The following SUPT3H variants were observed in gnomAD, a reference collection of about 807,000 sequenced individuals.
The protein encoded by SUPT3H is SPT3 homolog, SAGA and STAGA complex component, also known as transcription initiation protein SPT3 homolog.
A neutral mutation model predicts 44.3 loss-of-function variants in SUPT3H; 44 were observed. The ratio of observed to expected loss-of-function variants is 0.99; its 90% CI spans 0.78 to 1.28. SUPT3H has a LOEUF of 1.28. Among genes scored for constraint, SUPT3H ranks in the 50% most tolerant of loss-of-function variants. The pLI, the probability that SUPT3H is intolerant of heterozygous loss-of-function variation, is 0.00. For synonymous variants in SUPT3H, 124 were observed against 125.6 expected (o/e 0.99, Z 0.09); for missense variants, 380 against 387.1 (o/e 0.98, Z 0.15).
intron 2 of SUPT3H, among the ~76,000 whole-genome samples, chr6:45,301,138 C>G (rs74952102): frequency 9.1e-4 from 138 of 152,200 alleles, no homozygotes; most frequent in Admixed American, 2.2e-3. Context: ...CTAGTGAGAA[C>G]TGAGAGCTGT....
chr6:45,053,298 AC>A (rs201386228), intron 3 of SUPT3H, among the ~76,000 whole-genome samples: 2,645 of 151,480 alleles, frequency 0.017, 52 homozygotes, highest in South Asian at 0.085. Context: ...AGATTCTCCT[AC>A]CTGTTCTCAA....
chr6:45,373,900 T>C (rs527329264), intron 1 of SUPT3H, among the ~76,000 whole-genome samples: 51 of 152,346 alleles, frequency 3.3e-4, no homozygotes, highest in African/African-American at 9.6e-4. Context: ...TCAGTAATAG[T>C]GCCTATTATA....
At chr6:45,061,164 C>G (rs920007809) in intron 3 of SUPT3H, among the ~76,000 whole-genome samples, 1 of 152,142 alleles carries the variant, frequency 6.6e-6, no homozygotes, top group Non-Finnish European at 1.5e-5. Context: ...CACTGCAGCA[C>G]TACTCACAAT....
chr6:45,136,415 A>G (rs1583759328), intron 2 of SUPT3H, among the ~76,000 whole-genome samples: 1 of 152,272 alleles, frequency 6.6e-6, no homozygotes, highest in East Asian at 1.9e-4. Flanking sequence ...TCCAGTGTTC[A>G]AACAAAAAAT....
intron 9 of SUPT3H, among the ~76,000 whole-genome samples, chr6:44,937,175 G>C (rs1052100847): frequency 1.3e-5 from 2 of 151,994 alleles, no homozygotes; most frequent in Admixed American, 1.3e-4. Context: ...TGGATTGAAT[G>C]ATAGTTCTAT....
intron 3 of SUPT3H, among the ~76,000 whole-genome samples, chr6:45,099,974 A>C (rs1798320793): frequency 6.6e-6 from 1 of 152,180 alleles, no homozygotes; most frequent in African/African-American, 2.4e-5. Context: ...AATACAGACA[A>C]GAATATTCCC....
intron 3 of SUPT3H, among the ~76,000 whole-genome samples, chr6:45,080,797 G>A (rs1255064116): frequency 2.6e-5 from 4 of 151,946 alleles, no homozygotes; most frequent in Non-Finnish European, 5.9e-5. Flanking sequence ...AAGAAGTGGA[G>A]GTAAAGTGGG....
intron 6 of SUPT3H, among the ~76,000 whole-genome samples, chr6:44,976,187 T>G (rs1284470305): frequency 6.6e-6 from 1 of 152,136 alleles, no homozygotes; most frequent in Non-Finnish European, 1.5e-5. Flanking sequence ...TTCCTGAGAA[T>G]GCCAAGATTT....
intron 10 of SUPT3H, among the ~76,000 whole-genome samples, chr6:44,916,410 G>A (rs1282065401): frequency 1.3e-5 from 2 of 152,102 alleles, no homozygotes; most frequent in Non-Finnish European, 1.5e-5. Flanking sequence ...TTCCCCATAT[G>A]TGGTCAGTAA....
At chr6:45,091,442 A>ATATAGTAAAT (rs1373944914) in intron 3 of SUPT3H, among the ~76,000 whole-genome samples, 1 of 152,074 alleles carries the variant, frequency 6.6e-6, no homozygotes, top group African/African-American at 2.4e-5. Context: ...CCTTACAGAC[A>ATATAGTAAAT]TATAGTAAAT....
At chr6:45,278,937 A>G (rs1367326181) in intron 2 of SUPT3H, among the ~76,000 whole-genome samples, 1 of 152,194 alleles carries the variant, frequency 6.6e-6, no homozygotes, top group East Asian at 1.9e-4. Context: ...AGTAGATACA[A>G]TGTAGAATTT....
chr6:44,858,471 T>C lies in SUPT3H; in HGVS notation c.913-28614A>G, dbSNP rs949806351. On this transcript the variant is annotated intron_variant, in intron 10 of 10. Transcript: ENST00000371459. ...AACCTTCTGTATTTTGTTGCATTGC[T>C]TTGTTTTGGTAGTGGCTTGTCAATT... is the stretch of plus-strand genomic sequence containing the variant. Among the ~76,000 whole-genome samples, 4 of 152,314 alleles carry C rather than the reference T, an allele frequency of 2.6e-5. No homozygotes were observed. The East Asian group carries it at 5.8e-4, about 22-fold the overall frequency.
chr6:45,098,878 T>C (rs1798155362), intron 3 of SUPT3H: 1 of 547,798 alleles, frequency 1.8e-6, no homozygotes, highest in South Asian at 1.4e-5. Context: ...CTTTGATAAG[T>C]TGATTGTCAA....
At chr6:45,061,767 T>C (rs183865486) in intron 3 of SUPT3H, among the ~76,000 whole-genome samples, 3 of 152,218 alleles carry the variant, frequency 2.0e-5, no homozygotes, top group East Asian at 1.9e-4. Flanking sequence ...ATATTTTATG[T>C]GATACTTATG....
intron 6 of SUPT3H, among the ~76,000 whole-genome samples, chr6:44,986,623 G>A (rs907604348): frequency 1.4e-4 from 22 of 152,012 alleles, no homozygotes; most frequent in Admixed American, 9.2e-4. Context: ...TCACTGGTTC[G>A]CTCTAAGCAA....
At chr6:45,296,440 T>C (rs1781238225) in intron 2 of SUPT3H, among the ~76,000 whole-genome samples, 2 of 151,926 alleles carry the variant, frequency 1.3e-5, no homozygotes, top group Admixed American at 1.3e-4. Context: ...GGGTTAGGGA[T>C]AAAAGACTAC....
rs138635167 is a variant in SUPT3H at position 45,246,737 on chromosome 6, C to T, written c.101+118464G>A. 7.2e-5 allele frequency among the ~76,000 whole-genome samples: 11 copies of T among 152,170 alleles called. No individual in the cohort carries two copies. The East Asian group carries it at 1.2e-3, about 16-fold the overall frequency. ...GTAAAACACGTATCTAAGCAATTCA[C>T]GGGTCAAGGCAGATGTCTTAAGGGG... is the stretch of plus-strand genomic sequence containing the variant. On this transcript the variant is annotated intron_variant, in intron 2 of 10. Transcript: ENST00000371459.
At chr6:44,954,725 C>T in intron 7 of SUPT3H, 118 bp from the exon 8 acceptor site, 1 of 636,930 alleles carries the variant, frequency 1.6e-6, no homozygotes. Flanking sequence ...AAATAATGCA[C>T]ATAAAATGCA....
intron 6 of SUPT3H, among the ~76,000 whole-genome samples, chr6:44,969,067 C>G (rs1443270253): frequency 1.3e-5 from 2 of 152,164 alleles, no homozygotes; most frequent in Non-Finnish European, 2.9e-5. Context: ...GGTCCCACCT[C>G]CTCTGGGAAG....
Sources: allele counts gnomAD v4.1 joint callset (sites outside exome capture counted in the v4.1 genomes callset), GRCh38; gene constraint gnomAD v4.1.1; transcripts MANE v1.5; gene names NCBI Gene and HGNC (gene_info 2026-07-23, HGNC 2026-07-21).